Variants in RYR2 observed in about 807,000 individuals in gnomAD.
The protein encoded by RYR2 is ryanodine receptor 2.
RYR2 carries 227 observed loss-of-function variants against 601.1 expected under a neutral mutation model. That is an observed-to-expected ratio of 0.38 (90% CI 0.34 to 0.42). The LOEUF (loss-of-function observed/expected upper bound fraction) is 0.42, where lower values mean the gene tolerates loss of function less well. Among genes scored for constraint, RYR2 ranks in the 10% least tolerant of loss-of-function variants. The probability of loss-of-function intolerance (pLI) is 1.00; values close to 1 mark genes in which losing one functional copy is unlikely to be tolerated. For synonymous variants in RYR2, 2,223 were observed against 2,175.1 expected, an observed-to-expected ratio of 1.02 and a Z score of -0.61; for missense variants, 4,646 against 6,156.5, an observed-to-expected ratio of 0.75 and a Z score of 8.21.
intron 8 of RYR2, among the ~76,000 whole-genome samples, chr1:237,380,363 T>C (rs1455587035): frequency 3.8e-4 from 1 of 2,606 alleles, no homozygotes; most frequent in Non-Finnish European, 7.6e-4. Context: ...TACACAAATA[T>C]ATATATATAT....
chr1:237,600,344 T>C (rs1380121421), intron 34 of RYR2, among the ~76,000 whole-genome samples: 2 of 151,880 alleles, frequency 1.3e-5, no homozygotes, highest in South Asian at 2.1e-4. Context: ...AGAACACACA[T>C]TGGGGAAAGG....
intron 2 of RYR2, among the ~76,000 whole-genome samples, chr1:237,324,492 ATC>A (rs1192733525): frequency 1.3e-5 from 2 of 151,358 alleles, no homozygotes; most frequent in Non-Finnish European, 3.0e-5. Context: ...CTGTTTTCAC[ATC>A]TCTTGGTGGA....
intron 1 of RYR2, among the ~76,000 whole-genome samples, chr1:237,131,812 C>T (rs1270197615): frequency 6.6e-6 from 1 of 151,970 alleles, no homozygotes; most frequent in African/African-American, 2.4e-5. Context: ...CTTCGACCTC[C>T]AGGGTTCAAG....
chr1:237,456,556 T>C, intron 15 of RYR2, 44 bp from the exon 16 acceptor site: 2 of 1,452,210 alleles, frequency 1.4e-6, no homozygotes, highest in Non-Finnish European at 1.8e-6. Flanking sequence ...AGAATGACAG[T>C]TTTGGATGTC....
chr1:237,721,596 C>T (rs964775536), intron 73 of RYR2, among the ~76,000 whole-genome samples: 11 of 152,156 alleles, frequency 7.2e-5, no homozygotes, highest in African/African-American at 2.2e-4. Flanking sequence ...CGGTTCACTG[C>T]AACCTCCACC....
chr1:237,641,404 A>C (rs2148742095), intron 47 of RYR2, among the ~76,000 whole-genome samples: 1 of 152,332 alleles, frequency 6.6e-6, no homozygotes, highest in East Asian at 1.9e-4. Context: ...TTTAGGGGAA[A>C]GTGAGAGGGA....
intron 17 of RYR2, among the ~76,000 whole-genome samples, chr1:237,472,067 A>AT (rs1441993179): frequency 6.6e-6 from 1 of 152,088 alleles, no homozygotes; most frequent in Non-Finnish European, 1.5e-5. Context: ...TTGCTGAACA[A>AT]TTTTTTCTAC....
At chr1:237,820,533 C>A (rs558893429) in intron 101 of RYR2, among the ~76,000 whole-genome samples, 1 of 152,292 alleles carries the variant, frequency 6.6e-6, no homozygotes, top group Non-Finnish European at 1.5e-5. Flanking sequence ...AACCAGCAGA[C>A]CGGGACATTC....
At chr1:237,743,752 T>G in intron 80 of RYR2, 1 of 419,704 alleles carries the variant, frequency 2.4e-6, no homozygotes. Context: ...TCTACAAGTT[T>G]GTAGCTCCAA....
chr1:237,592,646 G>C (rs1354816784), intron 32 of RYR2, among the ~76,000 whole-genome samples: 2 of 61,204 alleles, frequency 3.3e-5, no homozygotes, highest in Non-Finnish European at 1.1e-4. Flanking sequence ...AAAAAAAAAA[G>C]TGAGCTTAAA....
At chr1:237,808,117 C>G (rs979692348) in intron 99 of RYR2, among the ~76,000 whole-genome samples, 2 of 152,046 alleles carry the variant, frequency 1.3e-5, no homozygotes, top group Non-Finnish European at 2.9e-5. Context: ...AGAAAAATAG[C>G]CTTCAAAACA....
intron 2 of RYR2, among the ~76,000 whole-genome samples, chr1:237,319,662 G>T (rs1468606050): frequency 6.6e-6 from 1 of 152,140 alleles, no homozygotes; most frequent in Non-Finnish European, 1.5e-5. Context: ...ATTGTGCTCA[G>T]ACACTTTGAG....
At chr1:237,633,342 A>G (rs912938114) in intron 42 of RYR2, among the ~76,000 whole-genome samples, 2 of 152,162 alleles carry the variant, frequency 1.3e-5, no homozygotes, top group Admixed American at 6.5e-5. Context: ...TAATAAGTCA[A>G]TTTCTGTTCT....
chr1:237,573,051 T>A (rs374484119), intron 29 of RYR2, among the ~76,000 whole-genome samples: 11 of 152,212 alleles, frequency 7.2e-5, no homozygotes, highest in African/African-American at 2.7e-4. Context: ...TGGTCTATTT[T>A]AAATTTTTCT....
chr1:237,665,614 CCTT>C, intron 56 of RYR2, among the ~76,000 whole-genome samples: 1 of 152,084 alleles, frequency 6.6e-6, no homozygotes, highest in East Asian at 1.9e-4. Flanking sequence ...ATGGTGTTTG[CCTT>C]CTTTGAACAA....
intron 17 of RYR2, among the ~76,000 whole-genome samples, chr1:237,473,478 TGG>T (rs1661020878): frequency 1.3e-5 from 2 of 150,620 alleles, no homozygotes; most frequent in African/African-American, 4.9e-5. Flanking sequence ...TCTATCTATC[TGG>T]CATATATGTA....
At chr1:237,476,286 G>T (rs920518568) in intron 17 of RYR2, among the ~76,000 whole-genome samples, 4 of 152,128 alleles carry the variant, frequency 2.6e-5, no homozygotes, top group South Asian at 2.1e-4. Context: ...GAGGTGGGTG[G>T]ATCACCTGAG....
At chr1:237,452,712 T>C (rs1658350248) in intron 14 of RYR2, among the ~76,000 whole-genome samples, 1 of 151,132 alleles carries the variant, frequency 6.6e-6, no homozygotes, top group East Asian at 1.9e-4. Flanking sequence ...GTTAATAGCT[T>C]TCATTTTTAC....
At chr1:237,673,744 G>C (rs1488491286) in intron 58 of RYR2, among the ~76,000 whole-genome samples, 13 of 152,188 alleles carry the variant, frequency 8.5e-5, no homozygotes, top group Non-Finnish European at 5.9e-5. Context: ...AGCTAAGTAT[G>C]ATTTAGCATT....
Sources: gnomAD v4.1 joint callset for allele counts (sites outside exome capture counted in the v4.1 genomes callset) on GRCh38, gnomAD v4.1.1 for gene constraint, MANE v1.5 for transcripts, NCBI Gene and HGNC (gene_info 2026-07-23, HGNC 2026-07-21) for gene names.